Variants in HEMK2 observed in about 807,000 individuals in gnomAD.
HEMK2 encodes the protein HemK methyltransferase 2, ETF1 glutamine and histone H4 lysine, also known as methyltransferase HEMK2.
the HEMK2 span, among the ~76,000 whole-genome samples, chr21:28,862,402 G>A: frequency 3.3e-5 from 4 of 121,496 alleles, 1 homozygote; most frequent in African/African-American, 8.1e-5. Flanking sequence ...CACTTTGGGA[G>A]GCCGAGGCGG....
At chr21:28,810,580 T>A in the HEMK2 span, among the ~76,000 whole-genome samples, 4 of 152,198 alleles carry the variant, frequency 2.6e-5, no homozygotes, top group Non-Finnish European at 4.4e-5. Flanking sequence ...CTAAACTGGA[T>A]CTTGCTGATG....
At chr21:28,622,348 A>C in the HEMK2 span, among the ~76,000 whole-genome samples, 1 of 152,188 alleles carries the variant, frequency 6.6e-6, no homozygotes, top group Non-Finnish European at 1.5e-5. Context: ...ACAAATGGAA[A>C]AACATTCCAT....
chr21:28,664,507 A>T, the HEMK2 span, among the ~76,000 whole-genome samples: 621 of 152,260 alleles, frequency 4.1e-3, 15 homozygotes, highest in East Asian at 0.065. Context: ...TACTTACACT[A>T]CCATCAACCA....
the HEMK2 span, among the ~76,000 whole-genome samples, chr21:28,878,974 C>T: frequency 4.3e-3 from 642 of 147,754 alleles, 3 homozygotes; most frequent in African/African-American, 0.015. Context: ...TATAAAGGCA[C>T]ACTGAAGCAT....
chr21:28,770,262 T>C, the HEMK2 span, among the ~76,000 whole-genome samples: 184 of 152,190 alleles, frequency 1.2e-3, 1 homozygote, highest in African/African-American at 3.7e-3. Context: ...GTGTTAAGAG[T>C]TGGTAGGAAG....
chr21:28,660,886 C>T, the HEMK2 span, among the ~76,000 whole-genome samples: 28 of 152,130 alleles, frequency 1.8e-4, no homozygotes, highest in Non-Finnish European at 2.7e-4. Flanking sequence ...TATCTTTGAA[C>T]GAAGTATTCA....
At chr21:28,840,895 A>G in the HEMK2 span, among the ~76,000 whole-genome samples, 1 of 147,572 alleles carries the variant, frequency 6.8e-6, no homozygotes, top group African/African-American at 2.5e-5. Context: ...AGACACTTGC[A>G]CAAGCATGTT....
the HEMK2 span, among the ~76,000 whole-genome samples, chr21:28,760,532 T>C: frequency 6.6e-6 from 1 of 152,244 alleles, no homozygotes. Context: ...AGACTTCCTA[T>C]AAATTTTGTA....
At chr21:28,804,542 C>A in the HEMK2 span, among the ~76,000 whole-genome samples, 2 of 152,114 alleles carry the variant, frequency 1.3e-5, no homozygotes, top group Non-Finnish European at 2.9e-5. Flanking sequence ...CAAGACCAGC[C>A]TGGGCAACAT....
At chr21:28,792,385 G>A in the HEMK2 span, among the ~76,000 whole-genome samples, 1 of 152,168 alleles carries the variant, frequency 6.6e-6, no homozygotes, top group East Asian at 1.9e-4. Flanking sequence ...CTCAAGATCC[G>A]ATACCCCTCT....
chr21:28,722,220 A>G, the HEMK2 span, among the ~76,000 whole-genome samples: 5 of 152,128 alleles, frequency 3.3e-5, no homozygotes, highest in African/African-American at 4.8e-5. Flanking sequence ...GTTAAAAAAA[A>G]TTGATAAAAG....
At chr21:28,713,698 C>T in the HEMK2 span, among the ~76,000 whole-genome samples, 3 of 152,164 alleles carry the variant, frequency 2.0e-5, no homozygotes, top group African/African-American at 2.4e-5. Flanking sequence ...TAACCTTCTG[C>T]GCTTTTCCTT....
chr21:28,653,728 C>A, the HEMK2 span, among the ~76,000 whole-genome samples: 1 of 152,160 alleles, frequency 6.6e-6, no homozygotes, highest in Admixed American at 6.6e-5. Flanking sequence ...ACCCCTGATA[C>A]AAGCACTGAT....
At chr21:28,863,413 TATA>T in the HEMK2 span, among the ~76,000 whole-genome samples, 144 of 24,136 alleles carry the variant, frequency 6.0e-3, 20 homozygotes, top group East Asian at 0.016. Flanking sequence ...CTCCCTTTTA[TATA>T]TATATATATA....
chr21:28,599,345 C>T, the HEMK2 span, among the ~76,000 whole-genome samples: 1 of 152,080 alleles, frequency 6.6e-6, no homozygotes, highest in East Asian at 1.9e-4. Context: ...ATGGCGAAGG[C>T]AAAAGGCATG....
At chr21:28,713,320 G>A in the HEMK2 span, among the ~76,000 whole-genome samples, 9 of 152,040 alleles carry the variant, frequency 5.9e-5, no homozygotes, top group Middle Eastern at 3.4e-3. Flanking sequence ...CCCTTACTCC[G>A]CCACTCTATT....
chr21:28,578,158 T>C, the HEMK2 span, among the ~76,000 whole-genome samples: 24 of 152,230 alleles, frequency 1.6e-4, no homozygotes, highest in Non-Finnish European at 2.1e-4. Flanking sequence ...TTCAGGCTCC[T>C]GGAAAAGCTT....
At chr21:28,619,471 C>G in the HEMK2 span, among the ~76,000 whole-genome samples, 166 of 152,312 alleles carry the variant, frequency 1.1e-3, no homozygotes, top group African/African-American at 3.9e-3. Flanking sequence ...TTCACCAAAT[C>G]TCATGGTCCT....
At chr21:28,756,053 G>C in the HEMK2 span, among the ~76,000 whole-genome samples, 1 of 152,188 alleles carries the variant, frequency 6.6e-6, no homozygotes, top group Non-Finnish European at 1.5e-5. Flanking sequence ...CAGTTTTCAT[G>C]AGTGTTCTCC....
Sources: allele counts gnomAD v4.1 joint callset (sites outside exome capture counted in the v4.1 genomes callset), GRCh38; gene constraint gnomAD v4.1.1; transcripts MANE v1.5; gene names NCBI Gene and HGNC (gene_info 2026-07-23, HGNC 2026-07-21).